The following STMN2 variants were observed in gnomAD, a reference collection of about 807,000 sequenced individuals.
STMN2 encodes the protein stathmin 2.
Under a neutral mutation model 24.1 loss-of-function variants are expected in STMN2, and 2 were observed. That is an observed-to-expected ratio of 0.08 (90% CI 0.03 to 0.26). The LOEUF (loss-of-function observed/expected upper bound fraction) is 0.26, where lower values mean the gene tolerates loss of function less well. Ranked by LOEUF, STMN2 falls within the 10% of genes least tolerant of loss-of-function variation. The pLI is 1.00. For synonymous variants in STMN2, 83 were observed against 77.5 expected (o/e 1.07, Z -0.37); for missense variants, 114 against 213.6 (o/e 0.53, Z 2.91).
chr8:79,643,252 G>A (rs1274181409), intron 3 of STMN2, among the ~76,000 whole-genome samples: 1 of 146,662 alleles, frequency 6.8e-6, no homozygotes, highest in Admixed American at 6.8e-5. Flanking sequence ...ATATATACAG[G>A]AAGTTGCTTT....
intron 1 of STMN2, chr8:79,631,424 G>C: frequency 1.0e-6 from 1 of 985,110 alleles, no homozygotes; most frequent in Non-Finnish European, 1.2e-6. Flanking sequence ...CCAAATTTTT[G>C]TAGAGAGAGA....
At chr8:79,615,176 G>T (rs536043412) in intron 1 of STMN2, among the ~76,000 whole-genome samples, 2 of 152,330 alleles carry the variant, frequency 1.3e-5, no homozygotes, top group African/African-American at 4.8e-5. Flanking sequence ...ATATTGAATG[G>T]AAGACTTTGT....
chr8:79,646,596 G>A (rs1244856273), intron 3 of STMN2, among the ~76,000 whole-genome samples: 1 of 152,056 alleles, frequency 6.6e-6, no homozygotes, highest in African/African-American at 2.4e-5. Flanking sequence ...GAATGTATGA[G>A]GTGTGTTTGA....
At chr8:79,617,414 A>G (rs1237905404) in intron 1 of STMN2, among the ~76,000 whole-genome samples, 2 of 152,240 alleles carry the variant, frequency 1.3e-5, no homozygotes, top group East Asian at 3.8e-4. Context: ...GGGCACTAAA[A>G]ACATGATCCC....
At chr8:79,615,066 A>G (rs929397458) in intron 1 of STMN2, among the ~76,000 whole-genome samples, 3 of 152,246 alleles carry the variant, frequency 2.0e-5, no homozygotes, top group Admixed American at 6.5e-5. Context: ...TTTAAGATCA[A>G]ATAGTTACTT....
In STMN2 at chr8:79,641,626, A is replaced by ACG. The variant is rs1324248589; in HGVS notation, c.288+78_288+79dup. 615 of 580,270 alleles carry ACG rather than the reference A, an allele frequency of 1.1e-3. 1 individual carries two copies. The highest frequency in any genetic ancestry group is 2.6e-3 in the Middle Eastern group (5 of 1,940). The allele number at this position is 580,270 out of a possible 1,614,324, so 35.9% of individuals were successfully genotyped here. ...CTCTCACACACTCGGGCACACATGC[A>ACG]CGCACACACACACACACACACACAC... On this transcript the variant is annotated intron_variant, in intron 3 of 4. Transcript: ENST00000220876.
At chr8:79,656,956 C>A (rs1385896567) in intron 4 of STMN2, among the ~76,000 whole-genome samples, 1 of 151,712 alleles carries the variant, frequency 6.6e-6, no homozygotes, top group Non-Finnish European at 1.5e-5. Context: ...TCACTGCAAC[C>A]TCTGCCTCCT....
intron 4 of STMN2, among the ~76,000 whole-genome samples, chr8:79,658,866 C>A (rs1001841402): frequency 2.0e-5 from 3 of 152,214 alleles, no homozygotes; most frequent in African/African-American, 7.2e-5. Context: ...AAAGCAAAAG[C>A]AGCCCTGGCT....
chr8:79,623,069 T>C (rs1809556409), intron 1 of STMN2, among the ~76,000 whole-genome samples: 1 of 152,206 alleles, frequency 6.6e-6, no homozygotes, highest in Admixed American at 6.5e-5. Context: ...CTCCCGTTGC[T>C]TTCTTATCTG....
chr8:79,631,007 CTCTA>C (rs1412805115), intron 1 of STMN2, among the ~76,000 whole-genome samples: 1 of 152,096 alleles, frequency 6.6e-6, no homozygotes, highest in Non-Finnish European at 1.5e-5. Context: ...GTCATTTGGT[CTCTA>C]TCAAGGACTG....
intron 2 of STMN2, among the ~76,000 whole-genome samples, 181 bp downstream of exon 2, chr8:79,637,078 G>A (rs1809980271): frequency 6.6e-6 from 1 of 151,990 alleles, no homozygotes; most frequent in Admixed American, 6.6e-5. Context: ...TTTGAATTTG[G>A]TGCTAATAAC....
rs780550908 is a variant in STMN2 at position 79,654,857 on chromosome 8, T to G, written c.289-14T>G. On this transcript the variant is annotated splice_polypyrimidine_tract_variant and intron_variant, in intron 3 of 4. Coordinates refer to ENST00000220876, the MANE Select transcript of STMN2 (RefSeq NM_007029.4). ...TTTGGATAATTATAAGATGGCTATG[T>G]TTTTCTTCCCCAGTCTCAGGAGGCC... The G allele has an allele frequency of 3.1e-6, 5 of 1,607,406 alleles. No homozygotes were observed. Among genetic ancestry groups the G allele is most frequent in the Middle Eastern group, 1.7e-4 (1 of 6,006 alleles).
chr8:79,613,204 C>G (rs549887806), intron 1 of STMN2, among the ~76,000 whole-genome samples: 1 of 152,000 alleles, frequency 6.6e-6, no homozygotes, highest in Non-Finnish European at 1.5e-5. Context: ...ATGGAGACCC[C>G]GCGAGGGGCT....
At chr8:79,654,795 C>T in intron 3 of STMN2, 76 bp from the exon 4 acceptor site, 1 of 1,479,952 alleles carries the variant, frequency 6.8e-7, no homozygotes, top group Non-Finnish European at 9.1e-7. Context: ...AAGAATGCTC[C>T]CTCCAATTGG....
intron 1 of STMN2, among the ~76,000 whole-genome samples, chr8:79,633,367 G>T (rs1809861066): frequency 6.6e-6 from 1 of 152,154 alleles, no homozygotes; most frequent in Admixed American, 6.5e-5. Context: ...GCTATTAAAG[G>T]AATCACCACC....
chr8:79,611,696 G>A lies in STMN2; in HGVS notation c.19+482G>A, dbSNP rs537495735. Reference sequence around the variant, plus strand: ...GGTCCCATCCCGCTGTTTGAAAGATGGGTGGAGACGGGGGGAGGGGATGGA... The same window carrying A: ...GGTCCCATCCCGCTGTTTGAAAGATAGGTGGAGACGGGGGGAGGGGATGGA... On this transcript the variant is annotated intron_variant, in intron 1 of 4. Coordinates refer to ENST00000220876, the MANE Select transcript of STMN2 (RefSeq NM_007029.4). 3.7e-4 allele frequency: 337 copies of A among 901,130 alleles called. 1 individual carries two copies. The Middle Eastern group carries it at 9.6e-3, about 26-fold the overall frequency. The allele number at this position is 901,130 out of a possible 1,614,324, so 55.8% of individuals were successfully genotyped here. A position where few individuals can be genotyped will look rare whatever the true frequency, so the allele number is the denominator to read the frequency against.
chr8:79,631,078 C>T (rs916367338), intron 1 of STMN2, among the ~76,000 whole-genome samples: 11 of 152,146 alleles, frequency 7.2e-5, no homozygotes, highest in Non-Finnish European at 1.5e-4. Context: ...CAAGATGTAG[C>T]GGAACTCTCA....
rs532903328 is a variant in STMN2 at position 79,666,098 on chromosome 8, T to C, written c.*1224T>C. 6.6e-6 allele frequency: 1 copy of C among 152,364 alleles called. No homozygotes were observed. The highest frequency in any genetic ancestry group is 2.1e-4 in the South Asian group (1 of 4,826). The allele number at this position is 152,364 out of a possible 1,614,324, so 9.4% of individuals were successfully genotyped here. A position where few individuals can be genotyped will look rare whatever the true frequency, so the allele number is the denominator to read the frequency against. The stretch of plus-strand genomic sequence containing the variant: ...CATATTTACTCTTCATTAGTGCTAT[T>C]TTCCTGTATGTCATTGTGAGCAAGC... On this transcript the variant is annotated 3_prime_UTR_variant, in exon 5 of 5. Coordinates refer to ENST00000220876, the MANE Select transcript of STMN2 (RefSeq NM_007029.4).
intron 1 of STMN2, chr8:79,613,718 T>G: frequency 2.0e-6 from 2 of 985,468 alleles, no homozygotes; most frequent in Non-Finnish European, 2.4e-6. Context: ...GCGTTCGCTT[T>G]GCTTCCTCCT....
Sources: allele counts gnomAD v4.1 joint callset (sites outside exome capture counted in the v4.1 genomes callset), GRCh38; gene constraint gnomAD v4.1.1; transcripts MANE v1.5; gene names NCBI Gene and HGNC (gene_info 2026-07-23, HGNC 2026-07-21).